The following KLF13 variants were observed in gnomAD, a reference collection of about 807,000 sequenced individuals.
KLF13 encodes Krueppel-like factor 13.
KLF13 carries 8 observed loss-of-function variants against 16.7 expected under a neutral mutation model. The observed-to-expected ratio is 0.48, with a 90% CI of 0.28 to 0.87. The LOEUF (loss-of-function observed/expected upper bound fraction) is 0.87, where lower values mean the gene tolerates loss of function less well. KLF13 is among the 40% of genes least tolerant of loss of function. KLF13 has a pLI of 0.10. For synonymous variants in KLF13, 245 were observed against 208.4 expected (o/e 1.18, Z -1.51); for missense variants, 447 against 452.2 (o/e 0.99, Z 0.10).
chr15:31,332,920 C>T (rs931667151), intron 1 of KLF13, among the ~76,000 whole-genome samples: 9 of 152,140 alleles, frequency 5.9e-5, no homozygotes, highest in East Asian at 1.9e-4. Context: ...CATGTTTCTC[C>T]GCAGCAATCC....
intron 1 of KLF13, among the ~76,000 whole-genome samples, chr15:31,413,187 C>CAAAAAAAAAAAAAA (rs1161762538): frequency 3.8e-4 from 24 of 63,308 alleles, no homozygotes; most frequent in East Asian, 4.9e-4. Flanking sequence ...AATGAATAGA[C>CAAAAAAAAAAAAAA]AAAAAAAAAA....
chr15:31,407,088 G>A (rs967910794), downstream of KLF13, among the ~76,000 whole-genome samples: 7 of 152,182 alleles, frequency 4.6e-5, no homozygotes, highest in Admixed American at 1.3e-4. Context: ...CTACTACATG[G>A]GGAAATAAAG....
At chr15:31,329,522 G>C (rs888716156) in intron 1 of KLF13, among the ~76,000 whole-genome samples, 1 of 152,196 alleles carries the variant, frequency 6.6e-6, no homozygotes, top group African/African-American at 2.4e-5. Context: ...CGTGGGCGGG[G>C]CCGGCTTGTC....
chr15:31,327,924 C>G (rs1279663789), intron 1 of KLF13, 135 bp downstream of exon 1: 1 of 1,023,562 alleles, frequency 9.8e-7, no homozygotes, highest in East Asian at 6.1e-5. Context: ...TCGCCCCTTC[C>G]CCTGCCGCTC....
intron 1 of KLF13, among the ~76,000 whole-genome samples, chr15:31,416,233 T>C (rs2040256741): frequency 1.3e-5 from 2 of 152,216 alleles, no homozygotes; most frequent in South Asian, 4.1e-4. Flanking sequence ...CTACCAAGCA[T>C]TTAAAGGAGA....
At chr15:31,368,848 GTAGA>G (rs916876686) in intron 1 of KLF13, among the ~76,000 whole-genome samples, 6 of 149,952 alleles carry the variant, frequency 4.0e-5, no homozygotes, top group Admixed American at 2.0e-4. Flanking sequence ...AGATAGATAG[GTAGA>G]TAGATAGATA....
rs146382030 is a variant in KLF13, at chr15:31,424,103, T to C, written n.118-11267T>C. Among the ~76,000 whole-genome samples the C allele has an allele frequency of 2.7e-3, 406 of 152,168 alleles. 2 individuals carry two copies. The highest frequency in any genetic ancestry group is 9.3e-3 in the African/African-American group (387 of 41,518). On this transcript the variant is annotated intron_variant and non_coding_transcript_variant, in intron 1 of 1. Coordinates refer to the KLF13 transcript ENST00000558225. ...AGATTAAATCACTAACCAAAAACTT[T>C]CCCACCTAGAAAAGCCCAGGACCAG...
rs2039609080 is a variant in KLF13, at chr15:31,374,356, G to A, written c.*2057G>A. The A allele has an allele frequency of 6.6e-6, 1 of 152,412 alleles. No homozygotes were observed. The highest frequency in any genetic ancestry group is 2.1e-4 in the South Asian group (1 of 4,818). The allele number at this position is 152,412 out of a possible 1,614,324, so 9.4% of individuals were successfully genotyped here. The stretch of plus-strand genomic sequence containing the variant: ...CACCTCCACTCTGGTTGGATGCGGA[G>A]CTGGTCCCTCTGGCTGCCATGCTGT... On this transcript the variant is annotated 3_prime_UTR_variant, in exon 2 of 2. Coordinates refer to ENST00000307145, the MANE Select transcript of KLF13 (RefSeq NM_015995.4).
intron 1 of KLF13, among the ~76,000 whole-genome samples, chr15:31,343,393 C>G (rs1256153334): frequency 6.6e-6 from 1 of 152,238 alleles, no homozygotes; most frequent in Non-Finnish European, 1.5e-5. Flanking sequence ...GCCTCCCAAA[C>G]AGCATCCTGC....
At position 31,415,701 on chromosome 15, in the gene KLF13, A is replaced by G. The variant is rs537365240; in HGVS notation, n.118-19669A>G. ...TGTTAAAAAAGAAAAAAGATCTTAA[A>G]TCAATACTCTAACCTTTCACCTTAA... On this transcript the variant is annotated intron_variant and non_coding_transcript_variant, in intron 1 of 1. Transcript: ENST00000558225. Among the ~76,000 whole-genome samples the G allele has an allele frequency of 7.9e-5, 12 of 152,264 alleles. No homozygotes were observed. In the South Asian group the frequency reaches 8.3e-4, roughly 11 times the overall value.
intron 1 of KLF13, among the ~76,000 whole-genome samples, chr15:31,333,036 A>G (rs908092755): frequency 2.6e-5 from 4 of 152,228 alleles, no homozygotes; most frequent in Non-Finnish European, 5.9e-5. Context: ...GGAAGCAATT[A>G]AAATAGTTTT....
At chr15:31,421,885 G>A (rs778365246) in intron 1 of KLF13, among the ~76,000 whole-genome samples, 25 of 152,100 alleles carry the variant, frequency 1.6e-4, no homozygotes, top group Non-Finnish European at 2.6e-4. Flanking sequence ...AGGCCAGGAC[G>A]GGCAGATCAC....
intron 1 of KLF13, among the ~76,000 whole-genome samples, chr15:31,344,724 C>G (rs922974627): frequency 4.2e-5 from 6 of 143,960 alleles, no homozygotes; most frequent in African/African-American, 1.8e-4. Flanking sequence ...TATTCTAAAC[C>G]TAATGGAACC....
chr15:31,389,863 A>G (rs2039837789), upstream of KLF13, among the ~76,000 whole-genome samples: 1 of 152,128 alleles, frequency 6.6e-6, no homozygotes, highest in Non-Finnish European at 1.5e-5. Context: ...CTATGGGCCT[A>G]AAGTCATCAA....
In KLF13 at chr15:31,374,953, G is replaced by A. The variant is rs1435527754; in HGVS notation, c.*2654G>A. 2.0e-5 allele frequency: 3 copies of A among 152,596 alleles called. No homozygotes were observed. Among genetic ancestry groups the A allele is most frequent in the Non-Finnish European group, 2.9e-5 (2 of 68,026 alleles). The allele number at this position is 152,596 out of a possible 1,614,324, so 9.5% of individuals were successfully genotyped here. A position where few individuals can be genotyped will look rare whatever the true frequency, so the allele number is the denominator to read the frequency against. ...CCCAGGGCTGTTCCGTCTGATAGATGGAAGGGTAACATTGCCTTAAAACAG... is the reference window on the plus strand; with the variant it reads ...CCCAGGGCTGTTCCGTCTGATAGATAGAAGGGTAACATTGCCTTAAAACAG... On this transcript the variant is annotated 3_prime_UTR_variant, in exon 2 of 2. Transcript: ENST00000307145.
At position 31,370,719 on chromosome 15, in the gene KLF13, G is replaced by A. The variant is rs1238482600; in HGVS notation, c.578-1291G>A. On this transcript the variant is annotated intron_variant, in intron 1 of 1. Transcript: ENST00000307145. ...TAGGCATGAGCCACCGCGCCTGGCC[G>A]TTTTTGCTCTCTGAACTTCTTTGTA... Among the ~76,000 whole-genome samples the A allele has an allele frequency of 3.3e-5, 5 of 152,230 alleles. No individual in the cohort carries two copies. The South Asian group carries it at 1.0e-3, about 32-fold the overall frequency.
chr15:31,358,870 G>A (rs1259476271), intron 1 of KLF13, among the ~76,000 whole-genome samples: 2 of 152,208 alleles, frequency 1.3e-5, no homozygotes, highest in Non-Finnish European at 2.9e-5. Context: ...GATGTTAACC[G>A]CACACTGGCT....
Position 31,375,468 on chromosome 15 carries a change from A to G in KLF13, c.*3169A>G, listed in dbSNP as rs1005312606. 3 of 152,236 alleles carry G rather than the reference A, an allele frequency of 2.0e-5. No individual in the cohort carries two copies. Among genetic ancestry groups the G allele is most frequent in the Non-Finnish European group, 1.5e-5 (1 of 68,036 alleles). 9.4% of individuals were successfully genotyped at this position (152,236 alleles called of 1,614,324 possible). A position where few individuals can be genotyped will look rare whatever the true frequency, so the allele number is the denominator to read the frequency against. On this transcript the variant is annotated 3_prime_UTR_variant, in exon 2 of 2. Transcript: ENST00000307145. ...TGAGGAACCCATAGGACTCATAGAA[A>G]TAATAGTGAAAACTCAAACCCTTAT...
At chr15:31,411,458 C>A (rs943688412) in intron 1 of KLF13, among the ~76,000 whole-genome samples, 1 of 150,368 alleles carries the variant, frequency 6.7e-6, no homozygotes, top group Non-Finnish European at 1.5e-5. Flanking sequence ...TGCAGTGGCG[C>A]GATCTTGGCT....
Sources: allele counts gnomAD v4.1 joint callset (sites outside exome capture counted in the v4.1 genomes callset), GRCh38; gene constraint gnomAD v4.1.1; transcripts MANE v1.5; gene names NCBI Gene and HGNC (gene_info 2026-07-23, HGNC 2026-07-21).